The following DIS3L2 variants were observed in gnomAD, a reference collection of about 807,000 sequenced individuals.
The protein encoded by DIS3L2 is DIS3-like exonuclease 2.
In DIS3L2, 34 loss-of-function variants were observed where a neutral mutation model predicts 97.5. That is an observed-to-expected ratio of 0.35 (90% CI 0.27 to 0.46). DIS3L2 has a LOEUF of 0.46. Ranked by LOEUF, DIS3L2 falls within the 20% of genes least tolerant of loss-of-function variation. The pLI is 1.00. For missense variants in DIS3L2, 1,038 were observed against 1,146.0 expected (o/e 0.91, Z 1.36); for synonymous variants, 435 against 445.2 (o/e 0.98, Z 0.29).
At chr2:232,086,853 T>A (rs186533533) in intron 5 of DIS3L2, among the ~76,000 whole-genome samples, 1,721 of 151,170 alleles carry the variant, frequency 0.011, 18 homozygotes, top group Non-Finnish European at 0.016. Context: ...CTAATTTTTT[T>A]ATATTTTTAG....
intron 3 of DIS3L2, among the ~76,000 whole-genome samples, chr2:232,021,145 A>C (rs1559547778): frequency 6.6e-6 from 1 of 152,110 alleles, no homozygotes; most frequent in Non-Finnish European, 1.5e-5. Flanking sequence ...GGGGTATAGG[A>C]AGGGAGAAAG....
At chr2:232,340,977 A>C (rs1408287462), downstream of DIS3L2, 3 of 468,084 alleles carry the variant, frequency 6.4e-6, no homozygotes, top group African/African-American at 4.0e-5. Context: ...GCCTTCCTGG[A>C]GGTGAGAAAG....
chr2:232,094,736 G>A (rs866856942), intron 6 of DIS3L2, among the ~76,000 whole-genome samples: 98 of 101,876 alleles, frequency 9.6e-4, no homozygotes, highest in Non-Finnish European at 1.1e-3. Context: ...AAAAAAAAAA[G>A]AAAGAAAAGA....
intron 11 of DIS3L2, among the ~76,000 whole-genome samples, chr2:232,240,998 C>T (rs1271207713): frequency 6.6e-6 from 1 of 152,212 alleles, no homozygotes; most frequent in African/African-American, 2.4e-5. Context: ...GGCTCTGCTG[C>T]TGAGTTGTGA....
At chr2:232,064,593 GTTTATC>G (rs1695802772) in intron 5 of DIS3L2, among the ~76,000 whole-genome samples, 1 of 152,140 alleles carries the variant, frequency 6.6e-6, no homozygotes. Flanking sequence ...GTAAGCATAT[GTTTATC>G]TTTATACGAA....
chr2:232,008,578 C>G (rs1292189274), intron 1 of DIS3L2, among the ~76,000 whole-genome samples: 1 of 152,132 alleles, frequency 6.6e-6, no homozygotes, highest in Admixed American at 6.5e-5. Context: ...TTATTATTCA[C>G]CCAAGAGACT....
At chr2:231,962,670 C>T (rs1692601451) in intron 1 of DIS3L2, among the ~76,000 whole-genome samples, 1 of 152,020 alleles carries the variant, frequency 6.6e-6, no homozygotes, top group South Asian at 2.1e-4. Flanking sequence ...CTCTTGACCT[C>T]GTGATCCGCC....
At chr2:232,194,708 G>A (rs1250389885) in intron 9 of DIS3L2, among the ~76,000 whole-genome samples, 2 of 152,224 alleles carry the variant, frequency 1.3e-5, no homozygotes, top group African/African-American at 2.4e-5. Flanking sequence ...AGTAGGAATG[G>A]AAAGTGGGCT....
intron 6 of DIS3L2, among the ~76,000 whole-genome samples, chr2:232,095,591 T>C (rs1264102288): frequency 6.6e-6 from 1 of 152,202 alleles, no homozygotes; most frequent in Non-Finnish European, 1.5e-5. Flanking sequence ...AAGAGTAGTT[T>C]ACACACCAAA....
At chr2:232,058,307 C>T (rs1406765780) in intron 5 of DIS3L2, among the ~76,000 whole-genome samples, 1 of 152,170 alleles carries the variant, frequency 6.6e-6, no homozygotes, top group Non-Finnish European at 1.5e-5. Context: ...GCCAGTACCT[C>T]GGTTCTTGAC....
At chr2:232,140,436 G>C (rs546772394) in intron 8 of DIS3L2, among the ~76,000 whole-genome samples, 38 of 152,282 alleles carry the variant, frequency 2.5e-4, no homozygotes, top group African/African-American at 8.7e-4. Context: ...GAGCCAGGTT[G>C]ACTAGGAAGA....
In DIS3L2 at chr2:232,302,416, A is replaced by G. The variant is rs1298777815; in HGVS notation, c.1739+2297A>G. 2.6e-5 allele frequency among the ~76,000 whole-genome samples: 4 copies of G among 151,936 alleles called. No individual in the cohort carries two copies. In the East Asian group the frequency reaches 5.8e-4, roughly 22 times the overall value. On this transcript the variant is annotated intron_variant, in intron 14 of 20. Coordinates refer to ENST00000325385, the MANE Select transcript of DIS3L2 (RefSeq NM_152383.5). ...AAAAAAAAAAGGAAAAGAAAAAAGT[A>G]TGGTGATCAAATGCTTTGGTGACTG...
intron 1 of DIS3L2, among the ~76,000 whole-genome samples, chr2:231,985,231 C>T (rs1693376667): frequency 6.6e-6 from 1 of 152,186 alleles, no homozygotes; most frequent in African/African-American, 2.4e-5. Context: ...TTTTCATAGC[C>T]ACAGCCATTG....
At chr2:232,174,887 C>G (rs1432192673) in intron 9 of DIS3L2, among the ~76,000 whole-genome samples, 1 of 151,842 alleles carries the variant, frequency 6.6e-6, no homozygotes, top group Non-Finnish European at 1.5e-5. Context: ...TGTTGCCAGG[C>G]TGGAGTGCAG....
intron 13 of DIS3L2, 60 bp from the exon 14 acceptor site, chr2:232,299,980 C>A: frequency 6.7e-7 from 1 of 1,494,844 alleles, no homozygotes. Flanking sequence ...TTCATTTCAG[C>A]TATTGGAATG....
chr2:232,329,786 C>CCCCGGGGGCCA, intron 14 of DIS3L2, 27 bp from the exon 15 acceptor site: 1 of 430,238 alleles, frequency 2.3e-6, no homozygotes, highest in Non-Finnish European at 4.2e-6. Context: ...CCCCAGCGGT[C>CCCCGGGGGCCA]CCTCCCATCC....
chr2:232,042,232 T>C (rs1230613080), intron 5 of DIS3L2, among the ~76,000 whole-genome samples: 1 of 152,142 alleles, frequency 6.6e-6, no homozygotes, highest in African/African-American at 2.4e-5. Flanking sequence ...TATGGTCACA[T>C]GAAATTGGTC....
At chr2:232,064,035 A>C in intron 5 of DIS3L2, among the ~76,000 whole-genome samples, 1 of 152,066 alleles carries the variant, frequency 6.6e-6, no homozygotes, top group East Asian at 1.9e-4. Context: ...TGGCTTTGGT[A>C]TAAAAAAAAA....
At chr2:232,228,426 T>C (rs7579970) in intron 10 of DIS3L2, among the ~76,000 whole-genome samples, 70,213 of 152,134 alleles carry the variant, frequency 0.46, 17,791 homozygotes, top group East Asian at 0.81. Context: ...GCTGGCCGTA[T>C]GTGCCGAAGC....
Sources: allele counts gnomAD v4.1 joint callset (sites outside exome capture counted in the v4.1 genomes callset), GRCh38; gene constraint gnomAD v4.1.1; transcripts MANE v1.5; gene names NCBI Gene and HGNC (gene_info 2026-07-23, HGNC 2026-07-21).